DACH2: variants seen among roughly 807,000 people sequenced by gnomAD.
The protein encoded by DACH2 is dachshund homolog 2.
In DACH2, 17 loss-of-function variants were observed where a neutral mutation model predicts 35.8. That is an observed-to-expected ratio of 0.48 (90% CI 0.33 to 0.71). DACH2 has a LOEUF of 0.71. DACH2 is among the 30% of genes least tolerant of loss of function. DACH2 has a pLI of 0.02. For synonymous variants in DACH2, 195 were observed against 177.3 expected (o/e 1.10, Z -0.79); for missense variants, 469 against 472.7 (o/e 0.99, Z 0.07).
At chrX:86,642,815 A>G in intron 3 of DACH2, among the ~76,000 whole-genome samples, 1 of 112,130 alleles carries the variant, frequency 8.9e-6, no homozygotes. Context: ...TCTAAAAAAC[A>G]TACAATTATA....
chrX:86,228,060 C>G (rs2032865054), intron 1 of DACH2, among the ~76,000 whole-genome samples: 1 of 109,865 alleles, frequency 9.1e-6, no homozygotes, highest in Non-Finnish European at 1.9e-5. Context: ...ACCTGGTGCA[C>G]TTATCACCCG....
intron 1 of DACH2, among the ~76,000 whole-genome samples, chrX:86,281,544 G>A (rs373645334): frequency 3.6e-5 from 4 of 111,529 alleles, no homozygotes; most frequent in East Asian, 2.8e-4. Context: ...AGCCAGTATC[G>A]TACTGAATGG....
At chrX:86,815,045 C>G (rs2042432705) in intron 10 of DACH2, among the ~76,000 whole-genome samples, 1 of 111,716 alleles carries the variant, frequency 9.0e-6, no homozygotes, top group South Asian at 3.7e-4. Context: ...AATCACTGTT[C>G]AGGAGAAACA....
At chrX:86,717,478 T>G (rs758954834) in intron 6 of DACH2, among the ~76,000 whole-genome samples, 1 of 110,162 alleles carries the variant, frequency 9.1e-6, no homozygotes, top group African/African-American at 3.3e-5. Flanking sequence ...TACACATGTA[T>G]GTATATGTAG....
intron 11 of DACH2, among the ~76,000 whole-genome samples, chrX:86,824,918 T>G (rs185061724): frequency 0.013 from 1,419 of 112,074 alleles, 14 homozygotes; most frequent in Non-Finnish European, 0.02. Flanking sequence ...TTAATATTTG[T>G]TTATCCATTA....
At chrX:86,450,525 A>G (rs139752116) in intron 2 of DACH2, among the ~76,000 whole-genome samples, 108 of 111,460 alleles carry the variant, frequency 9.7e-4, no homozygotes, top group African/African-American at 3.3e-3. Context: ...TAGTGCTGCA[A>G]TGAACATACA....
In DACH2 at chrX:86,577,895, G is replaced by A. The variant is rs955981753; in HGVS notation, c.640+63504G>A. 2.7e-5 allele frequency among the ~76,000 whole-genome samples: 3 copies of A among 111,735 alleles called. No individual in the cohort carries two copies. In the East Asian group the frequency reaches 8.4e-4, roughly 31 times the overall value. On this transcript the variant is annotated intron_variant, in intron 3 of 11. Transcript: ENST00000373125. ...AGATAACATGTCCAGGGAAGGCCTG[G>A]AAGCTTCACACCCCTTACCATATAC...
chrX:86,610,393 C>CTTTCT (rs2039921069), intron 3 of DACH2, among the ~76,000 whole-genome samples: 1 of 83,123 alleles, frequency 1.2e-5, no homozygotes, highest in African/African-American at 5.2e-5. Flanking sequence ...TTCTTTCTTT[C>CTTTCT]TTTCTTTCTT....
At chrX:86,399,449 G>A (rs749793899) in intron 2 of DACH2, among the ~76,000 whole-genome samples, 4 of 111,459 alleles carry the variant, frequency 3.6e-5, no homozygotes, top group South Asian at 3.8e-4. Flanking sequence ...TATTTTGCTC[G>A]TTAGTTGATG....
intron 6 of DACH2, among the ~76,000 whole-genome samples, chrX:86,718,719 A>G (rs1031213663): frequency 1.8e-5 from 2 of 111,875 alleles, no homozygotes; most frequent in Non-Finnish European, 3.8e-5. Flanking sequence ...TCCCAGCACC[A>G]TTTGTTGAAA....
At chrX:86,315,836 CACACAG>C (rs1368826299) in intron 1 of DACH2, among the ~76,000 whole-genome samples, 93 of 78,042 alleles carry the variant, frequency 1.2e-3, no homozygotes, top group Middle Eastern at 6.3e-3. Context: ...CACACACACA[CACACAG>C]AGAGAGAGAG....
chrX:86,799,892 T>C (rs950749871), intron 7 of DACH2, among the ~76,000 whole-genome samples: 3 of 111,563 alleles, frequency 2.7e-5, no homozygotes, highest in Non-Finnish European at 5.6e-5. Flanking sequence ...ATATGCTCAG[T>C]ACCATGCTAA....
At chrX:86,511,732 C>T (rs1273257594) in intron 2 of DACH2, among the ~76,000 whole-genome samples, 2 of 111,651 alleles carry the variant, frequency 1.8e-5, no homozygotes, top group Admixed American at 9.6e-5. Flanking sequence ...GATATCGTTA[C>T]TGCCTATGTG....
intron 11 of DACH2, among the ~76,000 whole-genome samples, chrX:86,820,898 A>C (rs897669869): frequency 9.0e-6 from 1 of 110,752 alleles, no homozygotes; most frequent in Admixed American, 9.7e-5. Flanking sequence ...ATGCCATGCC[A>C]ATATTTCCTA....
chrX:86,488,248 G>A (rs2038046347), intron 2 of DACH2, among the ~76,000 whole-genome samples: 1 of 111,470 alleles, frequency 9.0e-6, no homozygotes, highest in Non-Finnish European at 1.9e-5. Context: ...TGGATTGGAA[G>A]TCAGTAAATG....
chrX:86,667,522 AAAGAAAGAAAGAAAGAAAGAAAG>A (rs2040698773), intron 4 of DACH2, among the ~76,000 whole-genome samples: 6 of 61,006 alleles, frequency 9.8e-5, no homozygotes, highest in African/African-American at 1.7e-4. Context: ...AGAAAGAAAG[AAAGAAAGAAAGAAAGAAAGAAAG>A]AAGAAAGAAA....
chrX:86,212,776 A>G (rs1215015994), intron 1 of DACH2, among the ~76,000 whole-genome samples: 3 of 111,368 alleles, frequency 2.7e-5, no homozygotes, highest in African/African-American at 9.8e-5. Flanking sequence ...CTAAACGAAC[A>G]TCAAGTGTGT....
chrX:86,432,945 C>T (rs961409013), intron 2 of DACH2, among the ~76,000 whole-genome samples: 3 of 111,377 alleles, frequency 2.7e-5, no homozygotes, highest in Non-Finnish European at 3.8e-5. Flanking sequence ...AGAAGCATTG[C>T]GTGGTCGTTA....
At chrX:86,160,353 G>A (rs948987589) in intron 1 of DACH2, 9 of 862,092 alleles carry the variant, frequency 1.0e-5, no homozygotes, top group African/African-American at 5.9e-5. Context: ...ACACCAAAGT[G>A]ACCCAGAGGA....
Sources: gnomAD v4.1 joint callset for allele counts (sites outside exome capture counted in the v4.1 genomes callset) on GRCh38, gnomAD v4.1.1 for gene constraint, MANE v1.5 for transcripts, NCBI Gene and HGNC (gene_info 2026-07-23, HGNC 2026-07-21) for gene names.